The following CNTN4 variants were observed in gnomAD, a reference collection of about 807,000 sequenced individuals.
CNTN4 encodes contactin-4.
A neutral mutation model predicts 122.5 loss-of-function variants in CNTN4; 77 were observed. The ratio of observed to expected loss-of-function variants is 0.63; its 90% CI spans 0.52 to 0.76. The LOEUF is 0.76. Among genes scored for constraint, CNTN4 ranks in the 30% least tolerant of loss-of-function variants. The pLI is 0.00. For synonymous variants in CNTN4, 512 were observed against 447.0 expected (o/e 1.15, Z -1.83); for missense variants, 1,256 against 1,259.1 (o/e 1.00, Z 0.04).
chr3:2,918,942 C>A (rs55800201), intron 12 of CNTN4, among the ~76,000 whole-genome samples: 52,998 of 151,878 alleles, frequency 0.35, 9,660 homozygotes, highest in East Asian at 0.64. Context: ...GATTTCTTTC[C>A]TGCAACATAC....
At chr3:2,522,356 A>G (rs1185902963) in intron 3 of CNTN4, among the ~76,000 whole-genome samples, 5 of 152,138 alleles carry the variant, frequency 3.3e-5, no homozygotes, top group Admixed American at 3.3e-4. Flanking sequence ...TGCATTTTCC[A>G]CAGAGACTCT....
At chr3:2,568,525 C>T (rs568032068) in intron 3 of CNTN4, among the ~76,000 whole-genome samples, 1 of 152,084 alleles carries the variant, frequency 6.6e-6, no homozygotes, top group African/African-American at 2.4e-5. Flanking sequence ...AGAGAGAGCT[C>T]ACAGCTGCAG....
At chr3:2,839,432 T>C (rs986259884) in intron 7 of CNTN4, among the ~76,000 whole-genome samples, 1 of 149,952 alleles carries the variant, frequency 6.7e-6, no homozygotes, top group Non-Finnish European at 1.5e-5. Flanking sequence ...AAAAAGACAG[T>C]GGGAATCACA....
At chr3:2,130,105 C>G (rs1307868123) in intron 2 of CNTN4, among the ~76,000 whole-genome samples, 1 of 152,022 alleles carries the variant, frequency 6.6e-6, no homozygotes, top group Non-Finnish European at 1.5e-5. Context: ...GTGGCTTTGT[C>G]CATATGTTAT....
chr3:2,503,079 A>G (rs1449135567), intron 3 of CNTN4, among the ~76,000 whole-genome samples: 1 of 152,200 alleles, frequency 6.6e-6, no homozygotes, highest in Non-Finnish European at 1.5e-5. Context: ...AGGGTGTCAT[A>G]GTCTAATAGA....
At chr3:2,930,681 G>C (rs1247491336) in intron 13 of CNTN4, among the ~76,000 whole-genome samples, 1 of 152,154 alleles carries the variant, frequency 6.6e-6, no homozygotes, top group Non-Finnish European at 1.5e-5. Context: ...CCTACAGTCT[G>C]CATGTCGCAG....
chr3:2,816,107 C>T (rs1206436486), intron 6 of CNTN4, among the ~76,000 whole-genome samples: 1 of 152,044 alleles, frequency 6.6e-6, no homozygotes, highest in African/African-American at 2.4e-5. Flanking sequence ...GTAATCCCGG[C>T]ACTTTGGGAG....
intron 13 of CNTN4, among the ~76,000 whole-genome samples, chr3:2,946,330 G>A (rs895281465): frequency 2.6e-5 from 4 of 152,210 alleles, no homozygotes; most frequent in African/African-American, 9.6e-5. Context: ...TTTCCAAGCC[G>A]TGGGATTTAT....
At chr3:2,314,860 TAAG>T (rs1398897290) in intron 2 of CNTN4, among the ~76,000 whole-genome samples, 1 of 151,990 alleles carries the variant, frequency 6.6e-6, no homozygotes, top group Non-Finnish European at 1.5e-5. Flanking sequence ...TTTTGAAGAA[TAAG>T]AAATACAGAG....
At chr3:2,829,746 T>A (rs1362109353) in intron 7 of CNTN4, among the ~76,000 whole-genome samples, 1 of 152,212 alleles carries the variant, frequency 6.6e-6, no homozygotes, top group Non-Finnish European at 1.5e-5. Context: ...TAAGTTGATA[T>A]AAGTAACGAA....
At chr3:2,712,680 A>T (rs2087224894) in intron 4 of CNTN4, among the ~76,000 whole-genome samples, 1 of 152,152 alleles carries the variant, frequency 6.6e-6, no homozygotes. Flanking sequence ...TTGACTGACC[A>T]CTTCAAGATG....
rs543098618 is a variant in CNTN4 at position 2,621,100 on chromosome 3, G to C, written c.55+49542G>C. On this transcript the variant is annotated intron_variant, in intron 4 of 24. Transcript: ENST00000418658. ...TTGTCTGGAAAGTTGACTTAGACAG[G>C]TCCTGCAAAAATCTTGGCATGTTCG... Among the ~76,000 whole-genome samples, 10 of 152,242 alleles carry C rather than the reference G, an allele frequency of 6.6e-5. No individual in the cohort carries two copies. In the South Asian group the frequency reaches 2.1e-3, roughly 32 times the overall value.
At chr3:2,550,190 C>G (rs2078433818) in intron 3 of CNTN4, among the ~76,000 whole-genome samples, 1 of 152,062 alleles carries the variant, frequency 6.6e-6, no homozygotes, top group African/African-American at 2.4e-5. Context: ...TTTCATGTAT[C>G]TATCTTTTTC....
At chr3:2,835,354 T>A (rs1218892645) in intron 7 of CNTN4, among the ~76,000 whole-genome samples, 1 of 152,224 alleles carries the variant, frequency 6.6e-6, no homozygotes, top group Non-Finnish European at 1.5e-5. Flanking sequence ...TATTTGTTAC[T>A]TAACTTGATA....
At chr3:2,979,179 C>T (rs1693715582) in intron 13 of CNTN4, among the ~76,000 whole-genome samples, 1 of 152,112 alleles carries the variant, frequency 6.6e-6, no homozygotes, top group African/African-American at 2.4e-5. Flanking sequence ...TCTCTTGAGG[C>T]AGTCACCTGG....
chr3:2,958,365 G>A (rs1317267596), intron 13 of CNTN4, among the ~76,000 whole-genome samples: 1 of 152,140 alleles, frequency 6.6e-6, no homozygotes, highest in Non-Finnish European at 1.5e-5. Context: ...GGCAAGGTAA[G>A]TTCTGAACCT....
intron 2 of CNTN4, among the ~76,000 whole-genome samples, chr3:2,175,860 G>A (rs555770204): frequency 5.3e-5 from 8 of 152,278 alleles, no homozygotes; most frequent in Non-Finnish European, 1.0e-4. Flanking sequence ...GATATTACAG[G>A]CAAGCAGCTA....
intron 23 of CNTN4, among the ~76,000 whole-genome samples, chr3:3,052,271 G>C (rs56239019): frequency 0.077 from 11,728 of 152,076 alleles, 648 homozygotes; most frequent in Admixed American, 0.11. Flanking sequence ...TCTTTGTTGC[G>C]GGGCTGCTCT....
chr3:2,246,244 C>A (rs1046145203), intron 2 of CNTN4, among the ~76,000 whole-genome samples: 2 of 151,958 alleles, frequency 1.3e-5, no homozygotes, highest in African/African-American at 4.8e-5. Flanking sequence ...TGTTTAGATT[C>A]TGTGGCTGAG....
Sources: allele counts gnomAD v4.1 joint callset (sites outside exome capture counted in the v4.1 genomes callset), GRCh38; gene constraint gnomAD v4.1.1; transcripts MANE v1.5; gene names NCBI Gene and HGNC (gene_info 2026-07-23, HGNC 2026-07-21).